The following LGR5 variants were observed in gnomAD, a reference collection of about 807,000 sequenced individuals.
The protein encoded by LGR5 is leucine rich repeat containing G protein-coupled receptor 5.
In LGR5, 54 loss-of-function variants were observed where a neutral mutation model predicts 76.7. The observed-to-expected ratio is 0.70, with a 90% CI of 0.57 to 0.88. The LOEUF (loss-of-function observed/expected upper bound fraction) is 0.88, where lower values mean the gene tolerates loss of function less well. Among genes scored for constraint, LGR5 ranks in the 40% least tolerant of loss-of-function variants. The pLI is 0.00. For synonymous variants in LGR5, 406 were observed against 421.9 expected (o/e 0.96, Z 0.46); for missense variants, 1,078 against 1,073.3 (o/e 1.00, Z -0.06).
At chr12:71,571,708 C>G (rs999859935) in intron 12 of LGR5, 129 bp downstream of exon 12, 1 of 650,564 alleles carries the variant, frequency 1.5e-6, no homozygotes, top group Non-Finnish European at 2.7e-6. Context: ...CTTACACACA[C>G]AAGGTGTGAC....
At position 71,501,788 on chromosome 12, in the gene LGR5, A is replaced by C. The variant is rs1238906278; in HGVS notation, c.213-2826A>C. On this transcript the variant is annotated intron_variant, in intron 1 of 17. Transcript: ENST00000266674. ...TTTTTATTATAGTTTATAATAGTGT[A>C]AGTCCACAGCAAATTAGAAATTTAA... Among the ~76,000 whole-genome samples, 3 of 152,220 alleles carry C rather than the reference A, an allele frequency of 2.0e-5. No individual in the cohort carries two copies. The East Asian group carries it at 5.8e-4, about 29-fold the overall frequency.
chr12:71,581,052 TTA>T (rs1879071113), intron 16 of LGR5, among the ~76,000 whole-genome samples: 1 of 152,220 alleles, frequency 6.6e-6, no homozygotes, highest in African/African-American at 2.4e-5. Context: ...CATCAGCTTT[TTA>T]AAGGGTCTGT....
chr12:71,566,578 A>G (rs1878354666), intron 9 of LGR5, 54 bp from the exon 10 acceptor site: 2 of 1,550,816 alleles, frequency 1.3e-6, no homozygotes, highest in East Asian at 2.2e-5. Context: ...GGCAATAAAA[A>G]TTACCCCTGT....
At chr12:71,560,023 A>G (rs1229585297) in intron 7 of LGR5, among the ~76,000 whole-genome samples, 1 of 152,156 alleles carries the variant, frequency 6.6e-6, no homozygotes, top group Non-Finnish European at 1.5e-5. Context: ...GAACTTGAAC[A>G]TTTCTGGGTT....
Position 71,585,972 on chromosome 12 carries a change from G to A in LGR5, c.*1238G>A, listed in dbSNP as rs1403885453. Reference sequence around the variant, plus strand: ...TTCAATACATCCAAACCAAATGGCTGTTAGGTAGATTTATTTTTATATAAG... The same window carrying A: ...TTCAATACATCCAAACCAAATGGCTATTAGGTAGATTTATTTTTATATAAG... On this transcript the variant is annotated 3_prime_UTR_variant, in exon 18 of 18. Coordinates refer to ENST00000266674, the MANE Select transcript of LGR5 (RefSeq NM_003667.4). 1 of 152,164 alleles carries A rather than the reference G, an allele frequency of 6.6e-6. No homozygotes were observed. The highest frequency in any genetic ancestry group is 1.5e-5 in the Non-Finnish European group (1 of 68,020). 9.4% of individuals were successfully genotyped at this position (152,164 alleles called of 1,614,324 possible). A position where few individuals can be genotyped will look rare whatever the true frequency, so the allele number is the denominator to read the frequency against.
chr12:71,583,201 A>T (rs1879166821), intron 17 of LGR5, among the ~76,000 whole-genome samples: 1 of 152,188 alleles, frequency 6.6e-6, no homozygotes, highest in Admixed American at 6.5e-5. Context: ...TCAAATTTTA[A>T]TCTAAAACTA....
At chr12:71,514,685 C>T (rs1457780772) in intron 2 of LGR5, among the ~76,000 whole-genome samples, 1 of 152,060 alleles carries the variant, frequency 6.6e-6, no homozygotes, top group Non-Finnish European at 1.5e-5. Context: ...CTTAACAATT[C>T]TTAGCCCATG....
chr12:71,578,754 GT>G, intron 14 of LGR5, 49 bp from the exon 15 acceptor site: 1 of 1,510,660 alleles, frequency 6.6e-7, no homozygotes, highest in Non-Finnish European at 8.9e-7. Flanking sequence ...TAACATAAAC[GT>G]TTTATGCTAA....
intron 1 of LGR5, among the ~76,000 whole-genome samples, chr12:71,486,477 C>T (rs1315002360): frequency 2.0e-5 from 3 of 152,096 alleles, no homozygotes; most frequent in Admixed American, 6.5e-5. Flanking sequence ...GCAAAATTTC[C>T]AGGAGCCATG....
chr12:71,443,091 A>G (rs1871836847), intron 1 of LGR5, among the ~76,000 whole-genome samples: 1 of 152,132 alleles, frequency 6.6e-6, no homozygotes, highest in South Asian at 2.1e-4. Flanking sequence ...TTATCACCCA[A>G]TCCCCTTCAA....
chr12:71,512,266 G>A (rs1006279695), intron 2 of LGR5, among the ~76,000 whole-genome samples: 4 of 152,138 alleles, frequency 2.6e-5, no homozygotes, highest in African/African-American at 7.2e-5. Context: ...CTGGGATTAC[G>A]TGAGTGAGCC....
intron 1 of LGR5, among the ~76,000 whole-genome samples, chr12:71,503,896 A>T (rs1874724948): frequency 6.6e-6 from 1 of 152,182 alleles, no homozygotes; most frequent in Non-Finnish European, 1.5e-5. Context: ...GGGGGAAAAA[A>T]ACAGAATAAA....
At chr12:71,536,206 T>C (rs914534363) in intron 4 of LGR5, among the ~76,000 whole-genome samples, 2 of 152,230 alleles carry the variant, frequency 1.3e-5, no homozygotes, top group Non-Finnish European at 2.9e-5. Context: ...TATTGTGGAC[T>C]CCAGCTGAAA....
chr12:71,450,884 C>T (rs1239697731), intron 1 of LGR5, among the ~76,000 whole-genome samples: 1 of 152,148 alleles, frequency 6.6e-6, no homozygotes, highest in Non-Finnish European at 1.5e-5. Flanking sequence ...TACCTATATT[C>T]AATCCTTCAA....
At chr12:71,529,534 A>G (rs1876193589) in intron 3 of LGR5, among the ~76,000 whole-genome samples, 1 of 152,152 alleles carries the variant, frequency 6.6e-6, no homozygotes, top group Non-Finnish European at 1.5e-5. Flanking sequence ...ACAAAGCCAA[A>G]CCATATCAGT....
chr12:71,540,778 G>A (rs1876836743), intron 4 of LGR5, among the ~76,000 whole-genome samples: 2 of 152,210 alleles, frequency 1.3e-5, no homozygotes, highest in South Asian at 2.1e-4. Context: ...AGAATGGGAA[G>A]GAAGTAACAG....
intron 7 of LGR5, 71 bp downstream of exon 7, chr12:71,559,725 T>C: frequency 1.2e-6 from 1 of 837,502 alleles, no homozygotes; most frequent in Non-Finnish European, 2.0e-6. Flanking sequence ...TACATGTGAT[T>C]GTTTTACATA....
chr12:71,513,900 C>T (rs927971004), intron 2 of LGR5, among the ~76,000 whole-genome samples: 8 of 152,246 alleles, frequency 5.3e-5, no homozygotes, highest in South Asian at 2.1e-4. Context: ...CAAGATCAAA[C>T]GATCAATAAA....
chr12:71,453,784 A>G (rs1042473749), intron 1 of LGR5, among the ~76,000 whole-genome samples: 6 of 152,014 alleles, frequency 3.9e-5, no homozygotes, highest in Admixed American at 1.3e-4. Flanking sequence ...GCTTGTGTCT[A>G]CCTGAAAATA....
Sources: allele counts gnomAD v4.1 joint callset (sites outside exome capture counted in the v4.1 genomes callset), GRCh38; gene constraint gnomAD v4.1.1; transcripts MANE v1.5; gene names NCBI Gene and HGNC (gene_info 2026-07-23, HGNC 2026-07-21).